Variants in NRG4 observed in about 807,000 individuals in gnomAD.
The protein encoded by NRG4 is pro-neuregulin-4, membrane-bound isoform.
A neutral mutation model predicts 15.0 loss-of-function variants in NRG4; 10 were observed. The observed-to-expected ratio is 0.67, with a 90% CI of 0.41 to 1.13. NRG4 has a LOEUF of 1.13. NRG4 is among the 50% of genes most tolerant of loss of function. The pLI is 0.00. For synonymous variants in NRG4, 41 were observed against 50.1 expected (o/e 0.82, Z 0.77); for missense variants, 139 against 140.2 (o/e 0.99, Z 0.04).
intron 5 of NRG4, chr15:75,950,424 T>A: frequency 9.3e-6 from 2 of 215,014 alleles, no homozygotes; most frequent in Non-Finnish European, 2.1e-5. Context: ...GCCAGGATGC[T>A]GTGGCAGTCG....
At chr15:75,967,696 A>C (rs1287521210) in intron 3 of NRG4, among the ~76,000 whole-genome samples, 1 of 152,046 alleles carries the variant, frequency 6.6e-6, no homozygotes, top group Non-Finnish European at 1.5e-5. Context: ...TCCTGACCTC[A>C]AGTGATCTGC....
At chr15:76,031,679 C>G (rs1172423481) in intron 5 of NRG4, among the ~76,000 whole-genome samples, 2 of 152,114 alleles carry the variant, frequency 1.3e-5, no homozygotes, top group African/African-American at 2.4e-5. Flanking sequence ...GCCTGGGCGA[C>G]AGAGCAAGAT....
chr15:76,042,945 A>C (rs1284900579), intron 4 of NRG4, among the ~76,000 whole-genome samples: 4 of 152,152 alleles, frequency 2.6e-5, no homozygotes, highest in Non-Finnish European at 5.9e-5. Flanking sequence ...ACATACTAAA[A>C]ATATCATTTG....
At chr15:75,946,695 A>G (rs900865221) in intron 5 of NRG4, among the ~76,000 whole-genome samples, 1 of 152,042 alleles carries the variant, frequency 6.6e-6, no homozygotes. Context: ...CTGAAACTCT[A>G]CCCATTAAAC....
At chr15:76,022,057 A>G (rs2035171510) in intron 5 of NRG4, among the ~76,000 whole-genome samples, 1 of 152,144 alleles carries the variant, frequency 6.6e-6, no homozygotes, top group South Asian at 2.1e-4. Context: ...CGCTGATTTG[A>G]TAGGAGGCGG....
intron 3 of NRG4, among the ~76,000 whole-genome samples, chr15:76,006,714 A>G (rs1250883714): frequency 6.6e-6 from 1 of 152,188 alleles, no homozygotes; most frequent in Non-Finnish European, 1.5e-5. Context: ...AACTATACAC[A>G]TTTTTACACC....
chr15:75,984,061 C>A (rs867805772), intron 3 of NRG4, among the ~76,000 whole-genome samples: 1 of 152,042 alleles, frequency 6.6e-6, no homozygotes, highest in Non-Finnish European at 1.5e-5. Context: ...GACGAACAGG[C>A]AGAGCACAGA....
chr15:75,968,262 G>A (rs1013173165), intron 3 of NRG4, among the ~76,000 whole-genome samples: 3 of 152,088 alleles, frequency 2.0e-5, no homozygotes, highest in Non-Finnish European at 2.9e-5. Flanking sequence ...CTCAAAAAAC[G>A]ATCAGGGAGG....
intron 3 of NRG4, among the ~76,000 whole-genome samples, chr15:75,997,805 A>C (rs2034268278): frequency 1.3e-5 from 2 of 152,082 alleles, no homozygotes; most frequent in South Asian, 4.1e-4. Flanking sequence ...TGAGAGCTGG[A>C]GTTTTTCAGG....
intron 5 of NRG4, among the ~76,000 whole-genome samples, chr15:76,020,733 G>A: frequency 6.6e-6 from 1 of 152,234 alleles, no homozygotes; most frequent in Non-Finnish European, 1.5e-5. Flanking sequence ...GTAAGCCAAA[G>A]CCTAATCCAG....
chr15:75,980,418 C>A (rs2033561095), intron 3 of NRG4, among the ~76,000 whole-genome samples: 1 of 146,096 alleles, frequency 6.8e-6, no homozygotes, highest in Non-Finnish European at 1.5e-5. Context: ...TTAGTTCATA[C>A]AAGTTGAATA....
intron 5 of NRG4, among the ~76,000 whole-genome samples, chr15:76,032,319 T>G (rs2035493394): frequency 6.6e-6 from 1 of 152,166 alleles, no homozygotes; most frequent in African/African-American, 2.4e-5. Context: ...GGCAAAATAT[T>G]GTGTACAAAG....
At chr15:75,966,677 G>A (rs1204035861) in intron 3 of NRG4, among the ~76,000 whole-genome samples, 2 of 152,156 alleles carry the variant, frequency 1.3e-5, no homozygotes, top group African/African-American at 4.8e-5. Flanking sequence ...GAAAGAGAAA[G>A]TCTAATACTG....
Position 75,941,197 on chromosome 15 carries a change from A to G in NRG4, c.*2441T>C, listed in dbSNP as rs915173692. 6.6e-6 allele frequency: 1 copy of G among 152,112 alleles called. No homozygotes were observed. Among genetic ancestry groups the G allele is most frequent in the Non-Finnish European group, 1.5e-5 (1 of 67,968 alleles). 9.4% of individuals were successfully genotyped at this position (152,112 alleles called of 1,614,324 possible). On this transcript the variant is annotated 3_prime_UTR_variant, in exon 6 of 6. Coordinates refer to ENST00000394907, the MANE Select transcript of NRG4 (RefSeq NM_138573.4). ...AGGAAAAAATGCTTAGCATCACTAAACAGTAAGGAAATGCAAATCAAAACC... is the reference window on the plus strand; with the variant it reads ...AGGAAAAAATGCTTAGCATCACTAAGCAGTAAGGAAATGCAAATCAAAACC...
chr15:76,023,521 G>A (rs2035222597), intron 5 of NRG4, among the ~76,000 whole-genome samples: 1 of 152,192 alleles, frequency 6.6e-6, no homozygotes, highest in African/African-American at 2.4e-5. Context: ...TTGGAGAGCT[G>A]CTGGGAATTT....
At chr15:75,968,619 G>A (rs1277157648) in intron 3 of NRG4, among the ~76,000 whole-genome samples, 1 of 151,402 alleles carries the variant, frequency 6.6e-6, no homozygotes, top group East Asian at 1.9e-4. Flanking sequence ...CTAGTGCTGG[G>A]TGCAGTGGCA....
downstream of NRG4, chr15:75,938,688 T>G (rs955093798): frequency 6.6e-6 from 1 of 152,162 alleles, no homozygotes; most frequent in African/African-American, 2.4e-5. Flanking sequence ...TCAGCAAACT[T>G]GAGATGGGAT....
intron 5 of NRG4, chr15:75,950,752 A>G (rs2031831056): frequency 6.5e-6 from 1 of 153,578 alleles, no homozygotes; most frequent in South Asian, 2.1e-4. Flanking sequence ...GTAAACAGGA[A>G]TGCCATGGAA....
chr15:75,994,551 T>G (rs1446573496), intron 3 of NRG4, among the ~76,000 whole-genome samples: 1 of 152,256 alleles, frequency 6.6e-6, no homozygotes. Flanking sequence ...TGTTTATACT[T>G]GTGCAGAGTT....
Sources: allele counts gnomAD v4.1 joint callset (sites outside exome capture counted in the v4.1 genomes callset), GRCh38; gene constraint gnomAD v4.1.1; transcripts MANE v1.5; gene names NCBI Gene and HGNC (gene_info 2026-07-23, HGNC 2026-07-21).